The following TET3 variants were observed in gnomAD, a reference collection of about 807,000 sequenced individuals.
The protein encoded by TET3 is tet methylcytosine dioxygenase 3, also known as methylcytosine dioxygenase TET3.
A neutral mutation model predicts 141.4 loss-of-function variants in TET3; 19 were observed. That is an observed-to-expected ratio of 0.13 (90% confidence interval 0.09 to 0.20). The LOEUF is 0.20. Among genes scored for constraint, TET3 ranks in the 10% least tolerant of loss-of-function variants. TET3 has a pLI of 1.00. For synonymous variants in TET3, 1,043 were observed against 980.9 expected (o/e 1.06, Z -1.18); for missense variants, 1,874 against 2,356.9 (o/e 0.80, Z 4.24).
the TET3 span, among the ~76,000 whole-genome samples, chr2:74,131,555 G>C: frequency 6.6e-6 from 1 of 152,200 alleles, no homozygotes. Context: ...GGTCTAACCA[G>C]GGCTGAGGGG....
At chr2:73,997,752 G>A (rs1056761097) in intron 2 of TET3, among the ~76,000 whole-genome samples, 7 of 152,180 alleles carry the variant, frequency 4.6e-5, no homozygotes, top group Admixed American at 4.6e-4. Context: ...GCTCTTTGCT[G>A]GGTGCCATAC....
chr2:74,042,348 C>T (rs1230199243), intron 3 of TET3, among the ~76,000 whole-genome samples: 1 of 152,142 alleles, frequency 6.6e-6, no homozygotes, highest in African/African-American at 2.4e-5. Flanking sequence ...TTCAAGAAGG[C>T]AGTGTGGAGT....
chr2:74,052,367 A>G (rs1167327311), intron 4 of TET3, among the ~76,000 whole-genome samples: 3 of 152,180 alleles, frequency 2.0e-5, no homozygotes, highest in African/African-American at 7.2e-5. Context: ...TCACTCTGGG[A>G]TGACAATGGG....
intron 4 of TET3, among the ~76,000 whole-genome samples, 177 bp downstream of exon 4, chr2:74,048,588 C>T (rs938578691): frequency 4.6e-5 from 7 of 152,198 alleles, no homozygotes; most frequent in Admixed American, 2.6e-4. Flanking sequence ...AAGAAATTGA[C>T]GTGATACTGT....
chr2:74,026,704 G>A (rs992643886), intron 3 of TET3, among the ~76,000 whole-genome samples: 8 of 150,164 alleles, frequency 5.3e-5, no homozygotes, highest in Non-Finnish European at 1.0e-4. Flanking sequence ...TTATTGAATC[G>A]CTCGCAAACT....
intron 3 of TET3, among the ~76,000 whole-genome samples, chr2:74,028,296 C>T (rs767015124): frequency 5.6e-4 from 82 of 147,348 alleles, no homozygotes; most frequent in Non-Finnish European, 1.0e-3. Context: ...TTTTTTTTTT[C>T]ACTTTCTTGA....
rs762266112 is a variant in TET3 at position 74,048,026 on chromosome 2, C to T, written c.2109C>T (p.Ala703=). Residue 703 remains alanine, a synonymous_variant, in exon 4 of 12, where the codon GCC becomes GCT. Transcript: ENST00000409262. ...QPGSTGPLPP[A]DDKLEELIRQ... The stretch of plus-strand genomic sequence containing the variant: ...GCTCCACTGGCCCTCTTCCCCCTGC[C>T]GATGACAAGCTGGAAGAGCTCATCC... 2.2e-5 allele frequency: 35 copies of T among 1,609,046 alleles called. No homozygotes were observed. The highest frequency in any genetic ancestry group is 1.6e-4 in the East Asian group (7 of 44,880).
At chr2:74,067,512 G>A (rs55980021) in intron 4 of TET3, among the ~76,000 whole-genome samples, 18 of 152,152 alleles carry the variant, frequency 1.2e-4, no homozygotes, top group African/African-American at 3.4e-4. Flanking sequence ...CCAGGTTTCC[G>A]TCTGCAAGAT....
chr2:74,025,749 G>A (rs1054833244), intron 3 of TET3, among the ~76,000 whole-genome samples: 2 of 152,122 alleles, frequency 1.3e-5, no homozygotes, highest in Non-Finnish European at 2.9e-5. Context: ...TGGTCAGTTT[G>A]TTGTTTGTTT....
Position 74,010,060 on chromosome 2 carries a change from T to C in TET3, c.360+6894T>C, listed in dbSNP as rs566977642. ...CCTTTCCTCCCACTGTTATTTCTCC[T>C]TGGTTTCCTGTTTTCCAGCTGTGGG... On this transcript the variant is annotated intron_variant, in intron 3 of 11. Coordinates refer to ENST00000409262, the MANE Select transcript of TET3 (RefSeq NM_001287491.2). 9.2e-5 allele frequency among the ~76,000 whole-genome samples: 14 copies of C among 152,352 alleles called. No individual in the cohort carries two copies. In the South Asian group the frequency reaches 2.7e-3, roughly 29 times the overall value.
At chr2:74,127,773 G>A in the TET3 span, among the ~76,000 whole-genome samples, 26 of 152,108 alleles carry the variant, frequency 1.7e-4, no homozygotes, top group African/African-American at 5.1e-4. Context: ...ACGGGAGAAG[G>A]GGTTGTGTGC....
In TET3 at chr2:74,033,396, T is replaced by C. The variant is rs371962876; in HGVS notation, c.361-12882T>C. Among the ~76,000 whole-genome samples the C allele has an allele frequency of 5.9e-5, 9 of 152,396 alleles. No individual in the cohort carries two copies. The East Asian group carries it at 1.3e-3, about 23-fold the overall frequency. On this transcript the variant is annotated intron_variant, in intron 3 of 11. Transcript: ENST00000409262. ...ATTTTTTCCCCCATTTCAAATATTA[T>C]GTACTTCCCCCATCATAAAAACCTT...
At chr2:74,018,706 A>G (rs985455273) in intron 3 of TET3, among the ~76,000 whole-genome samples, 3 of 145,890 alleles carry the variant, frequency 2.1e-5, no homozygotes, top group Admixed American at 6.8e-5. Context: ...AATTACCACC[A>G]TTTTTATATA....
At chr2:74,084,284 A>G (rs985675532) in intron 6 of TET3, among the ~76,000 whole-genome samples, 1 of 152,190 alleles carries the variant, frequency 6.6e-6, no homozygotes, top group African/African-American at 2.4e-5. Context: ...TAAAAGGATA[A>G]ATACTGTATG....
At chr2:73,985,536 G>T (rs1683976743) in intron 1 of TET3, among the ~76,000 whole-genome samples, 1 of 146,946 alleles carries the variant, frequency 6.8e-6, no homozygotes, top group Non-Finnish European at 1.5e-5. Context: ...GCGGGCGCGG[G>T]CTGCCCAGGG....
the TET3 span, chr2:74,135,366 T>G: frequency 2.9e-6 from 2 of 687,748 alleles, no homozygotes; most frequent in Non-Finnish European, 5.0e-6. Context: ...CAAGACCCCT[T>G]TGGCCAAAAT....
the TET3 span, among the ~76,000 whole-genome samples, chr2:74,117,868 C>T: frequency 2.0e-5 from 3 of 152,184 alleles, no homozygotes; most frequent in Non-Finnish European, 4.4e-5. Flanking sequence ...GCCTCAGCCT[C>T]CTGAGTAGCT....
intron 2 of TET3, among the ~76,000 whole-genome samples, chr2:74,001,248 C>T (rs548098347): frequency 6.6e-6 from 1 of 152,176 alleles, no homozygotes; most frequent in Non-Finnish European, 1.5e-5. Context: ...CTGAGTACCC[C>T]CTTTGGGCCC....
chr2:74,089,075 C>T (rs1242026524), intron 7 of TET3, among the ~76,000 whole-genome samples: 2 of 129,578 alleles, frequency 1.5e-5, no homozygotes, highest in Middle Eastern at 4.1e-3. Context: ...AACAGGATTC[C>T]GTCTCAAAAA....
Sources: allele counts gnomAD v4.1 joint callset (sites outside exome capture counted in the v4.1 genomes callset), GRCh38; gene constraint gnomAD v4.1.1; transcripts MANE v1.5; gene names NCBI Gene and HGNC (gene_info 2026-07-23, HGNC 2026-07-21).